The following IL11RA variants were observed in gnomAD, a reference collection of about 807,000 sequenced individuals.
IL11RA encodes the protein interleukin 11 receptor subunit alpha.
Under a neutral mutation model 57.0 loss-of-function variants are expected in IL11RA, and 51 were observed. The ratio of observed to expected loss-of-function variants is 0.89; its 90% CI spans 0.71 to 1.13. The LOEUF (loss-of-function observed/expected upper bound fraction) is 1.13, where lower values mean the gene tolerates loss of function less well. Among genes scored for constraint, IL11RA ranks in the 50% most tolerant of loss-of-function variants. The probability of loss-of-function intolerance (pLI) is 0.00; values close to 1 mark genes in which losing one functional copy is unlikely to be tolerated. For synonymous variants in IL11RA, 199 were observed against 217.5 expected (o/e 0.91, Z 0.75); for missense variants, 498 against 539.4 (o/e 0.92, Z 0.76).
At position 34,656,906 on chromosome 9, in the gene IL11RA, G is replaced by A; in HGVS notation, c.329G>A (p.Gly110Asp). Residue 110 changes from glycine to aspartate, a missense_variant and splice_region_variant, in exon 4 of 13, where the codon GGC becomes GAC. By Grantham distance (94) the Gly-to-Asp change is moderately conservative. Coordinates refer to ENST00000441545, the MANE Select transcript of IL11RA (RefSeq NM_001142784.3). ...ALGGTVTLQL[G>D]YPPARPVVSC... ...GGGGGCACAGTGACCCTGCAGCTGG[G>A]CTGTGAGTTGGGGAGGGTGGCACTG... 5 of 1,614,106 alleles carry A rather than the reference G, an allele frequency of 3.1e-6. No homozygotes were observed. In the South Asian group the frequency reaches 3.3e-5, roughly 11 times the overall value.
At chr9:34,655,724 G>A (rs1386925778) in intron 3 of IL11RA, 59 bp downstream of exon 3, 6 of 1,452,904 alleles carry the variant, frequency 4.1e-6, no homozygotes, top group Middle Eastern at 1.7e-4. Context: ...ACTCTGCCTA[G>A]TCCTCATGTC....
rs368275378 is a variant in IL11RA at position 34,658,437 on chromosome 9, C to T, written c.647-83C>T. The T allele has an allele frequency of 4.0e-5, 56 of 1,398,214 alleles. No individual in the cohort carries two copies. The African/African-American group carries it at 6.6e-4, about 17-fold the overall frequency. 86.6% of individuals were successfully genotyped at this position (1,398,214 alleles called of 1,614,324 possible). A position where few individuals can be genotyped will look rare whatever the true frequency, so the allele number is the denominator to read the frequency against. On this transcript the variant is annotated intron_variant, in intron 7 of 12. Transcript: ENST00000441545. The surrounding 1 kb of genome is among the most constrained non-coding windows in gnomAD (Gnocchi z 4.0). ...CTCTCAGGAGTGTCTGGCTAAGGCTCCTTTAAACACACACTTTGGGAAGTG... is the reference window on the plus strand; with the variant it reads ...CTCTCAGGAGTGTCTGGCTAAGGCTTCTTTAAACACACACTTTGGGAAGTG...
At chr9:34,654,019 G>A (rs1018408100) in intron 1 of IL11RA, 1 of 152,764 alleles carries the variant, frequency 6.5e-6, no homozygotes, top group Admixed American at 6.5e-5. Context: ...GGCTAAGCAG[G>A]GTAAGTGTGG....
rs1821360188 is a variant in IL11RA at position 34,657,100 on chromosome 9, A to T, written c.397A>T (p.Ser133Cys). The T allele has an allele frequency of 6.2e-7, 1 of 1,614,108 alleles. No individual in the cohort carries two copies. The highest frequency in any genetic ancestry group is 1.3e-5 in the African/African-American group (1 of 75,016). ...ADYENFSCTW[S>C]PSQISGLPTR... is the part of the protein sequence containing the mutation. ...CTATGAGAACTTCTCTTGCACTTGG[A>T]GTCCCAGCCAGATCAGCGGTTTACC... The change falls in exon 5 of 13, where the codon AGT becomes TGT. Residue 133 changes from serine to cysteine, a missense_variant. Transcript: ENST00000441545.
In IL11RA at chr9:34,660,567, G is replaced by A. The variant is rs1376988555; in HGVS notation, c.1136G>A (p.Gly379Glu). ...LASLGILSFL[G>E]LVAGALALGL... ...TCTTTGGGAATCCTTTCTTTCCTGG[G>A]ACTGGTGGCTGGGGCCCTGGCACTG... is the stretch of plus-strand genomic sequence containing the variant. Residue 379 changes from glycine (G) to glutamate (E), a missense_variant, in exon 11 of 13, where the codon GGA (glycine) becomes GAA (glutamate). Gly to Glu is a moderately conservative substitution (Grantham distance 98, BLOSUM62 -2). Transcript: ENST00000441545. 1.9e-6 allele frequency: 3 copies of A among 1,614,150 alleles called. No homozygotes were observed. The highest frequency in any genetic ancestry group is 1.7e-5 in the Admixed American group (1 of 60,020).
chr9:34,654,083 G>A (rs941050040), intron 1 of IL11RA: 5 of 152,394 alleles, frequency 3.3e-5, no homozygotes, highest in African/African-American at 1.2e-4. Flanking sequence ...ACACAGACAG[G>A]TGGAGGCCCT....
intron 12 of IL11RA, 108 bp from the exon 13 acceptor site, chr9:34,661,374 A>G (rs1821453584): frequency 8.2e-7 from 1 of 1,221,316 alleles, no homozygotes; most frequent in Admixed American, 1.7e-5. Context: ...TCCTCTACTC[A>G]TCTTCAGAGT....
At chr9:34,654,280 C>T (rs1821301173) in intron 1 of IL11RA, among the ~76,000 whole-genome samples, 1 of 152,124 alleles carries the variant, frequency 6.6e-6, no homozygotes, top group African/African-American at 2.4e-5. Flanking sequence ...ACACTGTTAG[C>T]TTTTTGAGTT....
At chr9:34,655,829 G>T in intron 3 of IL11RA, 164 bp downstream of exon 3, 2 of 712,192 alleles carry the variant, frequency 2.8e-6, no homozygotes, top group South Asian at 3.0e-5. Context: ...AAATTCAACT[G>T]GTATGTTTTG....
In IL11RA at chr9:34,661,545, C is replaced by A; in HGVS notation, c.*47C>A. On this transcript the variant is annotated 3_prime_UTR_variant, in exon 13 of 13. Transcript: ENST00000441545. ...AGATTCCACCTATAATTCTGTCTTG[C>A]TGGTGTGGATAGAAACCAGGCAGGA... The A allele has an allele frequency of 6.5e-7, 1 of 1,542,952 alleles. No homozygotes were observed. The highest frequency in any genetic ancestry group is 1.1e-5 in the South Asian group (1 of 89,086).
At chr9:34,661,104 T>A (rs1821448335) in intron 12 of IL11RA, among the ~76,000 whole-genome samples, 168 bp downstream of exon 12, 1 of 151,976 alleles carries the variant, frequency 6.6e-6, no homozygotes, top group African/African-American at 2.4e-5. Flanking sequence ...CATTCTTGAG[T>A]CCCTGGGCTC....
intron 11 of IL11RA, 24 bp downstream of exon 11, chr9:34,660,624 C>G (rs199846997): frequency 6.1e-5 from 96 of 1,576,830 alleles, no homozygotes; most frequent in Non-Finnish European, 8.2e-5. Flanking sequence ...ATTGGTCCCT[C>G]AGCCTCTGAT....
intron 1 of IL11RA, 199 bp from the exon 2 acceptor site, chr9:34,655,019 G>A (rs1457970532): frequency 1.2e-5 from 7 of 590,778 alleles, no homozygotes; most frequent in Admixed American, 2.5e-5. Context: ...GTGTGTGTGC[G>A]CGCGCACGCA....
At position 34,656,906 on chromosome 9, in the gene IL11RA, G is replaced by C. The variant is rs1821355140; in HGVS notation, c.329G>C (p.Gly110Ala). 6.2e-7 allele frequency: 1 copy of C among 1,614,106 alleles called. No homozygotes were observed. Among genetic ancestry groups the C allele is most frequent in the Non-Finnish European group, 8.5e-7 (1 of 1,179,996 alleles). Reference sequence around the variant, plus strand: ...GGGGGCACAGTGACCCTGCAGCTGGGCTGTGAGTTGGGGAGGGTGGCACTG... The same window carrying C: ...GGGGGCACAGTGACCCTGCAGCTGGCCTGTGAGTTGGGGAGGGTGGCACTG... ...ALGGTVTLQL[G>A]YPPARPVVSC... The change falls in exon 4 of 13, where the codon GGC becomes GCC. Residue 110 changes from glycine (G) to alanine (A), a missense_variant and splice_region_variant. Gly to Ala is a moderately conservative substitution (Grantham distance 60). Coordinates refer to ENST00000441545, the MANE Select transcript of IL11RA (RefSeq NM_001142784.3).
At chr9:34,656,236 A>C (rs542551170) in intron 3 of IL11RA, among the ~76,000 whole-genome samples, 2 of 151,992 alleles carry the variant, frequency 1.3e-5, no homozygotes, top group Non-Finnish European at 2.9e-5. Flanking sequence ...GGGTTTTACC[A>C]TGTTGGTCAG....
In IL11RA at chr9:34,655,566, G is replaced by A. The variant is rs766406982; in HGVS notation, c.101-39G>A. On this transcript the variant is annotated intron_variant, in intron 2 of 12. Transcript: ENST00000441545. Reference sequence around the variant, plus strand: ...GTCATTCTCACAAAGTGGGGAGGGGGGTAAAGGAAGAGCCTTACCTCAGAA... The same window carrying A: ...GTCATTCTCACAAAGTGGGGAGGGGAGTAAAGGAAGAGCCTTACCTCAGAA... 3.1e-6 allele frequency: 5 copies of A among 1,590,494 alleles called. No individual in the cohort carries two copies. The African/African-American group carries it at 5.4e-5, about 17-fold the overall frequency.
intron 1 of IL11RA, among the ~76,000 whole-genome samples, chr9:34,652,909 C>A (rs117987895): frequency 6.6e-6 from 1 of 152,166 alleles, no homozygotes; most frequent in South Asian, 2.1e-4. Flanking sequence ...GTTTCCCTTA[C>A]GTGCCGTTTT....
intron 11 of IL11RA, 58 bp downstream of exon 11, chr9:34,660,658 T>C: frequency 7.0e-7 from 1 of 1,429,358 alleles, no homozygotes; most frequent in Non-Finnish European, 9.9e-7. Context: ...CTGATGCCCA[T>C]AGACCACATT....
chr9:34,652,513 G>T lies in IL11RA; in HGVS notation c.-1+280G>T, dbSNP rs1415232261. On this transcript the variant is annotated intron_variant, in intron 1 of 12. Coordinates refer to ENST00000441545, the MANE Select transcript of IL11RA (RefSeq NM_001142784.3). ...TCAATGCACATTTTTGGTGGGACTG[G>T]GTTGTGTGTTTGTGTGAGAGGGACT... Among the ~76,000 whole-genome samples the T allele has an allele frequency of 5.3e-5, 8 of 152,208 alleles. No individual in the cohort carries two copies. The East Asian group carries it at 1.4e-3, about 26-fold the overall frequency.
Sources: gnomAD v4.1 joint callset for allele counts (sites outside exome capture counted in the v4.1 genomes callset) on GRCh38, gnomAD v4.1.1 for gene constraint, Gnocchi (gnomAD v3.1) non-coding constraint, MANE v1.5 for transcripts, NCBI Gene and HGNC (gene_info 2026-07-23, HGNC 2026-07-21) for gene names.